Variants in LMBR1 observed in about 807,000 individuals in gnomAD.
LMBR1 encodes limb development membrane protein 1, also known as limb region 1 protein homolog.
In LMBR1, 52 loss-of-function variants were observed where a neutral mutation model predicts 73.9. That is an observed-to-expected ratio of 0.70 (90% CI 0.56 to 0.89). The LOEUF is 0.89. Ranked by LOEUF, LMBR1 falls within the 40% of genes least tolerant of loss-of-function variation. The probability of loss-of-function intolerance (pLI) is 0.00; values close to 1 mark genes in which losing one functional copy is unlikely to be tolerated. For synonymous variants in LMBR1, 215 were observed against 209.4 expected, an observed-to-expected ratio of 1.03 and a Z score of -0.23; for missense variants, 539 against 579.8, an observed-to-expected ratio of 0.93 and a Z score of 0.72.
chr7:156,812,727 G>A lies in LMBR1; in HGVS notation c.319+13878C>T, dbSNP rs75019637. On this transcript the variant is annotated intron_variant, in intron 4 of 16. Transcript: ENST00000353442. ...TAAGGTTTTACTACGGAAAACGTTCGAACTGAGAAAATGATATCCCATTAA... is the reference window on the plus strand; with the variant it reads ...TAAGGTTTTACTACGGAAAACGTTCAAACTGAGAAAATGATATCCCATTAA... Among the ~76,000 whole-genome samples the A allele has an allele frequency of 3.9e-5, 6 of 152,258 alleles. No homozygotes were observed. The East Asian group carries it at 5.8e-4, about 15-fold the overall frequency.
downstream of LMBR1, among the ~76,000 whole-genome samples, chr7:156,674,702 A>C (rs1261395979): frequency 2.6e-5 from 4 of 152,230 alleles, no homozygotes; most frequent in Non-Finnish European, 5.9e-5. Flanking sequence ...TACCAAAAAA[A>C]ACAAAGTACT....
At chr7:156,829,126 G>A (rs532781986) in intron 3 of LMBR1, among the ~76,000 whole-genome samples, 4 of 152,190 alleles carry the variant, frequency 2.6e-5, no homozygotes, top group Admixed American at 6.5e-5. Context: ...CAGGACTTGC[G>A]TCAGGAATAA....
intron 16 of LMBR1, among the ~76,000 whole-genome samples, chr7:156,686,384 A>C (rs1464230140): frequency 6.6e-6 from 1 of 151,136 alleles, no homozygotes; most frequent in Non-Finnish European, 1.5e-5. Context: ...AAATCTCTAC[A>C]AAAAAAAAGA....
chr7:156,787,776 T>C (rs533843846), intron 5 of LMBR1, among the ~76,000 whole-genome samples: 17 of 152,194 alleles, frequency 1.1e-4, no homozygotes, highest in Non-Finnish European at 5.9e-5. Flanking sequence ...AACTGGATCT[T>C]TTTTTCTTTT....
intron 5 of LMBR1, among the ~76,000 whole-genome samples, chr7:156,792,595 A>G (rs986958174): frequency 7.2e-5 from 11 of 152,238 alleles, no homozygotes; most frequent in Non-Finnish European, 4.4e-5. Flanking sequence ...CACCGCTGCC[A>G]CGGTAAGAAG....
intron 4 of LMBR1, among the ~76,000 whole-genome samples, chr7:156,671,573 ATTTATGT>A (rs948832298): frequency 6.6e-5 from 10 of 151,734 alleles, no homozygotes; most frequent in East Asian, 1.9e-4. Flanking sequence ...AGGTCGAGAC[ATTTATGT>A]TTTATAAGTT....
intron 1 of LMBR1, among the ~76,000 whole-genome samples, chr7:156,882,012 A>C (rs1389599529): frequency 6.6e-6 from 1 of 152,236 alleles, no homozygotes; most frequent in African/African-American, 2.4e-5. Flanking sequence ...TCTCAAAGAG[A>C]TATTAGCACT....
chr7:156,729,066 A>C (rs1164583319), intron 10 of LMBR1, among the ~76,000 whole-genome samples: 2 of 151,632 alleles, frequency 1.3e-5, no homozygotes, highest in African/African-American at 4.9e-5. Flanking sequence ...CTGGTCTTGA[A>C]CTCCTGGGCT....
chr7:156,755,404 ATTT>A (rs1274946412), intron 9 of LMBR1, among the ~76,000 whole-genome samples: 2 of 152,202 alleles, frequency 1.3e-5, no homozygotes, highest in Non-Finnish European at 2.9e-5. Context: ...GGGGCACTAC[ATTT>A]TACCCTTCCT....
At chr7:156,853,781 A>G (rs1411223679) in intron 1 of LMBR1, among the ~76,000 whole-genome samples, 1 of 151,908 alleles carries the variant, frequency 6.6e-6, no homozygotes, top group Non-Finnish European at 1.5e-5. Flanking sequence ...TCAGCCTCCC[A>G]AGTAGCTGGG....
chr7:156,770,744 T>C lies in LMBR1; in HGVS notation c.424-6949A>G, dbSNP rs867160561. ...GCCTGGGCAACATAGCAAGACCTTATCTCTAACAAAAATTTTAAAATGAGA... is the reference window on the plus strand; with the variant it reads ...GCCTGGGCAACATAGCAAGACCTTACCTCTAACAAAAATTTTAAAATGAGA... On this transcript the variant is annotated intron_variant, in intron 5 of 16. Transcript: ENST00000353442. Among the ~76,000 whole-genome samples the C allele has an allele frequency of 4.0e-4, 61 of 152,012 alleles. 1 individual carries two copies. The highest frequency in any genetic ancestry group is 1.5e-3 in the African/African-American group (61 of 41,458).
chr7:156,682,232 TA>T lies in LMBR1; in HGVS notation c.*1845del, dbSNP rs1339788959. On this transcript the variant is annotated 3_prime_UTR_variant, in exon 17 of 17. Transcript: ENST00000353442. Reference sequence around the variant, plus strand: ...ACACTGAAAAGTTTAGTATTTTACTTAAAAATTTTCAGACATTTTCCAAGTA... The same window carrying T: ...ACACTGAAAAGTTTAGTATTTTACTTAAAATTTTCAGACATTTTCCAAGTA... The T allele has an allele frequency of 6.6e-6, 1 of 152,222 alleles. No homozygotes were observed. Among genetic ancestry groups the T allele is most frequent in the Admixed American group, 6.5e-5 (1 of 15,286 alleles). 9.4% of individuals were successfully genotyped at this position (152,222 alleles called of 1,614,324 possible).
At chr7:156,673,862 T>A (rs575387545), downstream of LMBR1, among the ~76,000 whole-genome samples, 13 of 151,086 alleles carry the variant, frequency 8.6e-5, no homozygotes, top group South Asian at 2.7e-3. Context: ...AGAAGTCTGG[T>A]GATTTAAATA....
At chr7:156,768,750 G>A (rs937866916) in intron 5 of LMBR1, among the ~76,000 whole-genome samples, 1 of 152,192 alleles carries the variant, frequency 6.6e-6, no homozygotes, top group Non-Finnish European at 1.5e-5. Context: ...GGCCTGTTAA[G>A]CTTCTTCCAT....
chr7:156,862,905 G>C (rs1259701446), intron 1 of LMBR1, among the ~76,000 whole-genome samples: 1 of 152,172 alleles, frequency 6.6e-6, no homozygotes, highest in African/African-American at 2.4e-5. Flanking sequence ...GTTGGACTAG[G>C]AATGAAACTA....
chr7:156,712,871 G>A (rs1369755722), intron 15 of LMBR1, among the ~76,000 whole-genome samples: 1 of 152,162 alleles, frequency 6.6e-6, no homozygotes, highest in Non-Finnish European at 1.5e-5. Flanking sequence ...ACAGGGCAGG[G>A]GGGAGGCTGG....
intron 4 of LMBR1, among the ~76,000 whole-genome samples, chr7:156,814,302 T>C (rs1307324535): frequency 5.3e-5 from 8 of 152,204 alleles, no homozygotes; most frequent in Non-Finnish European, 2.9e-5. Flanking sequence ...AAAGAATATA[T>C]TAGTTTAGTA....
chr7:156,758,120 G>T (rs1049339732), intron 8 of LMBR1, among the ~76,000 whole-genome samples: 4 of 152,200 alleles, frequency 2.6e-5, no homozygotes, highest in African/African-American at 9.7e-5. Flanking sequence ...GCAAGTGCTG[G>T]AATGTGAGCT....
intron 5 of LMBR1, among the ~76,000 whole-genome samples, chr7:156,776,760 C>T (rs1399629264): frequency 6.6e-6 from 1 of 152,106 alleles, no homozygotes; most frequent in Non-Finnish European, 1.5e-5. Context: ...TTCCACCAGG[C>T]CAGCTTCAAC....
Sources: gnomAD v4.1 joint callset for allele counts (sites outside exome capture counted in the v4.1 genomes callset) on GRCh38, gnomAD v4.1.1 for gene constraint, MANE v1.5 for transcripts, NCBI Gene and HGNC (gene_info 2026-07-23, HGNC 2026-07-21) for gene names.